The following KDM2A variants were observed in gnomAD, a reference collection of about 807,000 sequenced individuals.
KDM2A encodes the protein lysine demethylase 2A.
In KDM2A, 3 loss-of-function variants were observed where a neutral mutation model predicts 137.3. The observed-to-expected ratio is 0.02, with a 90% CI of 0.01 to 0.06. The LOEUF is 0.06. Among genes scored for constraint, KDM2A ranks in the 10% least tolerant of loss-of-function variants. KDM2A has a pLI of 1.00. For missense variants in KDM2A, 738 were observed against 1,510.6 expected, an observed-to-expected ratio of 0.49 and a Z score of 8.48; for synonymous variants, 512 against 541.5, an observed-to-expected ratio of 0.95 and a Z score of 0.76.
chr11:67,245,560 A>G lies in KDM2A; in HGVS notation c.1833+102A>G, dbSNP rs1243192742. The stretch of plus-strand genomic sequence containing the variant: ...TTAAAGAGACTTCAGAGTTGGAAAG[A>G]AAAGGTTTATACTCTCTTTTTGGCT... On this transcript the variant is annotated intron_variant, in intron 14 of 20. Coordinates refer to ENST00000529006, the MANE Select transcript of KDM2A (RefSeq NM_012308.3). The surrounding 1 kb of genome is among the most constrained non-coding windows in gnomAD (Gnocchi z 4.1). 7.5e-7 allele frequency: 1 copy of G among 1,325,106 alleles called. No individual in the cohort carries two copies. Among genetic ancestry groups the G allele is most frequent in the African/African-American group, 1.5e-5 (1 of 67,954 alleles). The allele number at this position is 1,325,106 out of a possible 1,614,324, so 82.1% of individuals were successfully genotyped here. A position where few individuals can be genotyped will look rare whatever the true frequency, so the allele number is the denominator to read the frequency against.
intron 5 of KDM2A, among the ~76,000 whole-genome samples, chr11:67,183,981 C>T (rs1305912601): frequency 2.0e-5 from 3 of 150,996 alleles, no homozygotes; most frequent in Non-Finnish European, 4.4e-5. Context: ...TGGTGGCATG[C>T]ACCAATAGTC....
chr11:67,226,359 T>C (rs1858543652), intron 10 of KDM2A, among the ~76,000 whole-genome samples: 1 of 152,226 alleles, frequency 6.6e-6, no homozygotes. Context: ...ATTCAGACCA[T>C]CCTGCTGTTA....
In KDM2A at chr11:67,245,863, C is replaced by T. The variant is rs549011016; in HGVS notation, c.1834-122C>T. 68 of 1,179,400 alleles carry T rather than the reference C, an allele frequency of 5.8e-5. No individual in the cohort carries two copies. Among genetic ancestry groups the T allele is most frequent in the Admixed American group, 4.5e-4 (18 of 40,418 alleles). The allele number at this position is 1,179,400 out of a possible 1,614,324, so 73.1% of individuals were successfully genotyped here. A position where few individuals can be genotyped will look rare whatever the true frequency, so the allele number is the denominator to read the frequency against. On this transcript the variant is annotated intron_variant, in intron 14 of 20. Transcript: ENST00000529006. This position sits in a 1 kb window ranked among gnomAD's most constrained non-coding sequence, Gnocchi z 4.1. ...ACCTCCGTTCTCTCCACCCTGCCTC[C>T]ATGCTTCCAGGTGTTTAGTAGAGAA...
At chr11:67,190,848 G>A (rs2136349956) in intron 5 of KDM2A, among the ~76,000 whole-genome samples, 1 of 152,168 alleles carries the variant, frequency 6.6e-6, no homozygotes, top group South Asian at 2.1e-4. Flanking sequence ...AACTTGTTAA[G>A]ACTAAATCAC....
chr11:67,142,803 A>G (rs1565375433), intron 2 of KDM2A, among the ~76,000 whole-genome samples: 1 of 152,028 alleles, frequency 6.6e-6, no homozygotes, highest in Non-Finnish European at 1.5e-5. Flanking sequence ...ACAGTAATTA[A>G]AATTAGAAAC....
Position 67,255,161 on chromosome 11 carries a change from C to T in KDM2A, c.*106C>T. ...GGGCTCTGAGGCCAGCGTCACACTCCCTCTCTGCTCTCCTGTCCCTTGAGC... is the reference window on the plus strand; with the variant it reads ...GGGCTCTGAGGCCAGCGTCACACTCTCTCTCTGCTCTCCTGTCCCTTGAGC... On this transcript the variant is annotated 3_prime_UTR_variant, in exon 21 of 21. Coordinates refer to ENST00000529006, the MANE Select transcript of KDM2A (RefSeq NM_012308.3). 1 of 969,104 alleles carries T rather than the reference C, an allele frequency of 1.0e-6. No homozygotes were observed. The highest frequency in any genetic ancestry group is 1.5e-6 in the Non-Finnish European group (1 of 651,010). The allele number at this position is 969,104 out of a possible 1,614,324, so 60.0% of individuals were successfully genotyped here. A position where few individuals can be genotyped will look rare whatever the true frequency, so the allele number is the denominator to read the frequency against.
At chr11:67,121,040 C>T (rs1244822092) in intron 1 of KDM2A, among the ~76,000 whole-genome samples, 194 bp from the exon 2 acceptor site, 2 of 152,166 alleles carry the variant, frequency 1.3e-5, no homozygotes, top group African/African-American at 2.4e-5. Context: ...TCTAGGCCTC[C>T]GACAGTTGTA....
At chr11:67,181,708 C>A in intron 4 of KDM2A, 138 bp from the exon 5 acceptor site, 1 of 674,140 alleles carries the variant, frequency 1.5e-6, no homozygotes, top group Non-Finnish European at 2.6e-6. Flanking sequence ...ATATAATCAC[C>A]TATATTTTTA....
At chr11:67,246,188 G>A in intron 15 of KDM2A, 72 bp downstream of exon 15, 1 of 1,529,790 alleles carries the variant, frequency 6.5e-7, no homozygotes, top group Admixed American at 1.7e-5. Context: ...TGGGACACTT[G>A]TGATGGGAGT....
At chr11:67,133,804 C>T (rs545508144) in intron 2 of KDM2A, among the ~76,000 whole-genome samples, 10 of 152,064 alleles carry the variant, frequency 6.6e-5, no homozygotes, top group Non-Finnish European at 1.2e-4. Flanking sequence ...CAGGTTCAAG[C>T]GATTCTCCTG....
At position 67,155,937 on chromosome 11, in the gene KDM2A, T is replaced by TAA. The variant is rs770113717; in HGVS notation, c.43-24123_43-24122dup. 2.8e-4 allele frequency among the ~76,000 whole-genome samples: 29 copies of TAA among 104,278 alleles called. 1 individual carries two copies. The highest frequency in any genetic ancestry group is 9.5e-4 in the Admixed American group (9 of 9,518). 68.4% of individuals were successfully genotyped at this position (104,278 alleles called of 152,430 possible). A position where few individuals can be genotyped will look rare whatever the true frequency, so the allele number is the denominator to read the frequency against. ...GGCCGGTTTTTATTTTTTAAACGGC[T>TAA]AAAAAAAAAAAAAAAAAAAATCACA... On this transcript the variant is annotated intron_variant, in intron 2 of 20. Transcript: ENST00000529006.
At chr11:67,247,066 TA>T (rs1213207392) in intron 15 of KDM2A, among the ~76,000 whole-genome samples, 321 of 31,380 alleles carry the variant, frequency 0.01, 6 homozygotes, top group Admixed American at 0.025. Flanking sequence ...TATATATATA[TA>T]TATATTTTTT....
chr11:67,156,055 G>T (rs1856507694), intron 2 of KDM2A, among the ~76,000 whole-genome samples: 1 of 143,064 alleles, frequency 7.0e-6, no homozygotes, highest in South Asian at 2.4e-4. Context: ...TTAGAGACCA[G>T]CCTGACCAAT....
intron 6 of KDM2A, among the ~76,000 whole-genome samples, chr11:67,208,857 T>G (rs1346374708): frequency 6.6e-6 from 1 of 151,838 alleles, no homozygotes; most frequent in Non-Finnish European, 1.5e-5. Context: ...GACAGGAGAA[T>G]TGCTTGAGGC....
intron 2 of KDM2A, among the ~76,000 whole-genome samples, chr11:67,165,185 G>A (rs942325125): frequency 1.3e-5 from 2 of 151,594 alleles, no homozygotes; most frequent in Non-Finnish European, 2.9e-5. Flanking sequence ...GCAGTGGCGC[G>A]ATCTTGGCTC....
chr11:67,223,929 A>T (rs1858449664), intron 10 of KDM2A, among the ~76,000 whole-genome samples: 1 of 152,172 alleles, frequency 6.6e-6, no homozygotes, highest in African/African-American at 2.4e-5. Context: ...GTCAGAAATA[A>T]ATTAATTTTA....
intron 4 of KDM2A, among the ~76,000 whole-genome samples, 197 bp downstream of exon 4, chr11:67,181,595 A>G (rs1857092640): frequency 6.7e-6 from 1 of 148,556 alleles, no homozygotes; most frequent in South Asian, 2.1e-4. Flanking sequence ...AGATGAACCA[A>G]AAAAAAAAAA....
chr11:67,187,870 G>A (rs989950847), intron 5 of KDM2A, among the ~76,000 whole-genome samples: 1 of 152,042 alleles, frequency 6.6e-6, no homozygotes, highest in Non-Finnish European at 1.5e-5. Context: ...CCATGGCACC[G>A]GGCCCTAAAA....
intron 2 of KDM2A, among the ~76,000 whole-genome samples, chr11:67,160,054 T>C (rs1856601096): frequency 6.6e-6 from 1 of 152,228 alleles, no homozygotes; most frequent in African/African-American, 2.4e-5. Context: ...TATGTCACTG[T>C]GATGGCATAC....
Sources: gnomAD v4.1 joint callset for allele counts (sites outside exome capture counted in the v4.1 genomes callset) on GRCh38, gnomAD v4.1.1 for gene constraint, Gnocchi (gnomAD v3.1) non-coding constraint, MANE v1.5 for transcripts, NCBI Gene and HGNC (gene_info 2026-07-23, HGNC 2026-07-21) for gene names.